The following SARAF variants were observed in gnomAD, a reference collection of about 807,000 sequenced individuals.
SARAF encodes store-operated calcium entry-associated regulatory factor.
Under a neutral mutation model 39.7 loss-of-function variants are expected in SARAF, and 23 were observed. The ratio of observed to expected loss-of-function variants is 0.58; its 90% CI spans 0.42 to 0.82. The LOEUF (loss-of-function observed/expected upper bound fraction) is 0.82, where lower values mean the gene tolerates loss of function less well. Ranked by LOEUF, SARAF falls within the 40% of genes least tolerant of loss-of-function variation. SARAF has a pLI of 0.00. For synonymous variants in SARAF, 175 were observed against 168.5 expected (o/e 1.04, Z -0.30); for missense variants, 384 against 418.5 (o/e 0.92, Z 0.72).
intron 1 of SARAF, among the ~76,000 whole-genome samples, chr8:30,077,256 G>C (rs1218539275): frequency 2.0e-5 from 3 of 151,432 alleles, no homozygotes; most frequent in Non-Finnish European, 4.4e-5. Context: ...AAGAGTTTAA[G>C]ACCAGCCTAA....
chr8:30,069,737 G>A lies in SARAF; in HGVS notation c.605C>T (p.Pro202Leu), dbSNP rs749798359. The change falls in exon 3 of 6, where the codon CCA becomes CTA. Residue 202 changes from proline to leucine, a missense_variant. By Grantham distance (98) the Pro-to-Leu change is moderately conservative (BLOSUM62 -3). Coordinates refer to ENST00000256255, the MANE Select transcript of SARAF (RefSeq NM_016127.6). ...LFLSDGQYSPPPYSEYPPFSH... is the reference protein window; with the variant it reads ...LFLSDGQYSPLPYSEYPPFSH... ...AAATGGAGGATACTCAGAGTACGGT[G>A]GAGGAGAATACTGCCCGTCACTCAG... 1.9e-6 allele frequency: 3 copies of A among 1,614,026 alleles called. No individual in the cohort carries two copies. The highest frequency in any genetic ancestry group is 2.5e-6 in the Non-Finnish European group (3 of 1,179,986).
At chr8:30,083,071 C>G, upstream of SARAF, 3 of 629,232 alleles carry the variant, frequency 4.8e-6, no homozygotes, top group Non-Finnish European at 7.8e-6. Flanking sequence ...AACGGCCCGA[C>G]TGCAGAGCTG....
intron 1 of SARAF, among the ~76,000 whole-genome samples, chr8:30,078,723 T>TAG (rs1802031375): frequency 6.6e-6 from 1 of 151,448 alleles, no homozygotes; most frequent in Admixed American, 6.6e-5. Flanking sequence ...AAAATATATA[T>TAG]AGAGAGAGAG....
chr8:30,065,379 AC>A (rs1340738132), intron 5 of SARAF, among the ~76,000 whole-genome samples: 2 of 152,214 alleles, frequency 1.3e-5, no homozygotes, highest in African/African-American at 4.8e-5. Context: ...AATTCTACTC[AC>A]ATTTTAAAAC....
In SARAF at chr8:30,074,054, G is replaced by T; in HGVS notation, c.105C>A (p.Asp35Glu). The T allele has an allele frequency of 6.2e-7, 1 of 1,611,128 alleles. No homozygotes were observed. Among genetic ancestry groups the T allele is most frequent in the Non-Finnish European group, 8.5e-7 (1 of 1,177,930 alleles). The change falls in exon 2 of 6, where the codon GAC becomes GAA. Residue 35 changes from aspartate (D) to glutamate (E), a missense_variant and splice_region_variant. Transcript: ENST00000256255. ...AGPALGWNDP[D>E]RMLLRDVKAL... The stretch of plus-strand genomic sequence containing the variant: ...CTTTTACATCCCGCAGCAACATTCT[G>T]TCTGAAACAGCAAGAAAACAGAGGA...
intron 3 of SARAF, among the ~76,000 whole-genome samples, chr8:30,068,757 T>C (rs1312938042): frequency 1.3e-5 from 2 of 152,184 alleles, no homozygotes; most frequent in African/African-American, 4.8e-5. Context: ...CTACCGGAAA[T>C]ACATTTTATA....
chr8:30,073,387 C>T (rs1487032484), intron 2 of SARAF, among the ~76,000 whole-genome samples: 2 of 152,222 alleles, frequency 1.3e-5, no homozygotes, highest in African/African-American at 4.8e-5. Context: ...GTCCCAAAGG[C>T]AATCAATGAA....
At chr8:30,076,291 G>C (rs547061025) in intron 1 of SARAF, among the ~76,000 whole-genome samples, 2 of 152,330 alleles carry the variant, frequency 1.3e-5, no homozygotes, top group South Asian at 4.1e-4. Context: ...TGAAAGCACA[G>C]TTCTCCTTCC....
At position 30,063,892 on chromosome 8, in the gene SARAF, C is replaced by A. The variant is rs367575463; in HGVS notation, c.1016G>T (p.Arg339Leu). 8.1e-6 allele frequency: 13 copies of A among 1,613,010 alleles called. No homozygotes were observed. The highest frequency in any genetic ancestry group is 1.3e-5 in the African/African-American group (1 of 74,880). ...GTTTGACTCCAACTTTCTACTTTATCGTCTCCTGGTACCACCATATCCTAG... is the reference window on the plus strand; with the variant it reads ...GTTTGACTCCAACTTTCTACTTTATAGTCTCCTGGTACCACCATATCCTAG... ...TASGYGGTRR[R>L] Residue 339 changes from arginine to leucine, a missense_variant, in exon 6 of 6, where the codon CGA becomes CTA. By Grantham distance (102) the Arg-to-Leu change is moderately radical. Transcript: ENST00000256255.
Position 30,070,022 on chromosome 8 carries a change from A to T in SARAF, c.320T>A (p.Phe107Tyr), listed in dbSNP as rs780032559. The T allele has an allele frequency of 6.2e-7, 1 of 1,612,308 alleles. No individual in the cohort carries two copies. The highest frequency in any genetic ancestry group is 1.1e-5 in the South Asian group (1 of 90,728). ...CKTDLDIAYK[F>Y]GKTVVSCEGY... ...TTCACAGCTCACCACAGTTTTTCCA[A>T]ATTTGTATGCAATATCTAAGTCCGT... The change falls in exon 3 of 6, where the codon TTT (phenylalanine) becomes TAT (tyrosine). Residue 107 changes from phenylalanine (F) to tyrosine (Y), a missense_variant. Phe to Tyr is a conservative substitution (Grantham distance 22). Transcript: ENST00000256255.
In SARAF at chr8:30,082,501, TAAC is replaced by T. The variant is rs1802128464; in HGVS notation, c.103+343_103+345del. 5 of 210,488 alleles carry T rather than the reference TAAC, an allele frequency of 2.4e-5. No individual in the cohort carries two copies. The East Asian group carries it at 5.3e-4, about 22-fold the overall frequency. The allele number at this position is 210,488 out of a possible 1,614,324, so 13.0% of individuals were successfully genotyped here. Reference sequence around the variant, plus strand: ...AGGCCACGATGACATCACACAGCCATAACAACAAAGCAGATGCGCAGGTGAGTG... The same window carrying T: ...AGGCCACGATGACATCACACAGCCATAACAAAGCAGATGCGCAGGTGAGTG... On this transcript the variant is annotated intron_variant, in intron 1 of 5. Transcript: ENST00000256255.
At chr8:30,064,019 G>T in intron 5 of SARAF, 106 bp from the exon 6 acceptor site, 1 of 1,044,136 alleles carries the variant, frequency 9.6e-7, no homozygotes, top group African/African-American at 1.6e-5. Context: ...AATGAGATAG[G>T]AGGAAAGGAA....
chr8:30,064,549 A>ATTTTTTTTTTTTTTTTTTTTTTTTT (rs1285474401), intron 5 of SARAF, among the ~76,000 whole-genome samples: 1 of 43,826 alleles, frequency 2.3e-5, no homozygotes, highest in Non-Finnish European at 3.8e-5. Context: ...ATATATATAT[A>ATTTTTTTTTTTTTTTTTTTTTTTTT]TATATATATA....
At chr8:30,065,654 A>T in intron 5 of SARAF, 1 of 229,304 alleles carries the variant, frequency 4.4e-6, no homozygotes, top group African/African-American at 2.3e-5. Flanking sequence ...TTTGAATGTT[A>T]TTGAATTTTA....
chr8:30,064,546 TATA>T (rs1563349802), intron 5 of SARAF, among the ~76,000 whole-genome samples: 16 of 46,872 alleles, frequency 3.4e-4, no homozygotes, highest in South Asian at 6.6e-4. Context: ...TATATATATA[TATA>T]TATATATATA....
At chr8:30,074,147 C>T in intron 1 of SARAF, 92 bp from the exon 2 acceptor site, 1 of 1,375,140 alleles carries the variant, frequency 7.3e-7, no homozygotes, top group Non-Finnish European at 9.9e-7. Flanking sequence ...ATAGGAAATG[C>T]CTTTCTTGCC....
At chr8:30,081,093 C>T (rs1028168958) in intron 1 of SARAF, among the ~76,000 whole-genome samples, 1 of 152,132 alleles carries the variant, frequency 6.6e-6, no homozygotes, top group African/African-American at 2.4e-5. Context: ...GAGCCAAGAT[C>T]GCGCCATTGC....
Position 30,067,455 on chromosome 8 carries a change from T to C in SARAF, c.701-537A>G, listed in dbSNP as rs1385033926. Among the ~76,000 whole-genome samples, 3 of 152,174 alleles carry C rather than the reference T, an allele frequency of 2.0e-5. No individual in the cohort carries two copies. The South Asian group carries it at 6.2e-4, about 31-fold the overall frequency. ...ATCTTACACGTGTGGCACAACAAATTTGTACATATGTACCTATCCATGTAA... is the reference window on the plus strand; with the variant it reads ...ATCTTACACGTGTGGCACAACAAATCTGTACATATGTACCTATCCATGTAA... On this transcript the variant is annotated intron_variant, in intron 3 of 5. Transcript: ENST00000256255.
At chr8:30,081,334 T>A (rs1311849425) in intron 1 of SARAF, among the ~76,000 whole-genome samples, 2 of 152,242 alleles carry the variant, frequency 1.3e-5, no homozygotes, top group Non-Finnish European at 2.9e-5. Context: ...ATAGTTCTTC[T>A]GGCTCTTCAA....
Sources: gnomAD v4.1 joint callset for allele counts (sites outside exome capture counted in the v4.1 genomes callset) on GRCh38, gnomAD v4.1.1 for gene constraint, MANE v1.5 for transcripts, NCBI Gene and HGNC (gene_info 2026-07-23, HGNC 2026-07-21) for gene names.